Variants in ARHGAP35 observed in about 807,000 individuals in gnomAD.
ARHGAP35 encodes rho GTPase-activating protein 35.
ARHGAP35 carries 15 observed loss-of-function variants against 111.1 expected under a neutral mutation model. The ratio of observed to expected loss-of-function variants is 0.13; its 90% CI spans 0.09 to 0.21. The LOEUF (loss-of-function observed/expected upper bound fraction) is 0.21, where lower values mean the gene tolerates loss of function less well. ARHGAP35 is among the 10% of genes least tolerant of loss of function. The pLI, the probability that ARHGAP35 is intolerant of heterozygous loss-of-function variation, is 1.00. For missense variants in ARHGAP35, 1,262 were observed against 1,873.0 expected (o/e 0.67, Z 6.02); for synonymous variants, 643 against 710.3 (o/e 0.91, Z 1.51).
chr19:46,886,767 A>C (rs1389936486), intron 1 of ARHGAP35, among the ~76,000 whole-genome samples: 1 of 135,290 alleles, frequency 7.4e-6, no homozygotes, highest in Non-Finnish European at 1.6e-5. Flanking sequence ...TTTCTATCCT[A>C]ATGCTTAAGA....
chr19:47,000,847 A>T lies in ARHGAP35; in HGVS notation c.*159A>T. 1 of 1,538,192 alleles carries T rather than the reference A, an allele frequency of 6.5e-7. No individual in the cohort carries two copies. The highest frequency in any genetic ancestry group is 1.7e-4 in the Middle Eastern group (1 of 5,986). On this transcript the variant is annotated 3_prime_UTR_variant, in exon 7 of 7. Transcript: ENST00000672722. The surrounding 1 kb of genome is among the most constrained non-coding windows in gnomAD (Gnocchi z 6.9). ...AGTGGGAGCACCAGCCAATGGTACC[A>T]TCGGCTGGGCTGCCAGGTACCCTGG...
At chr19:46,964,548 A>G (rs1187922351) in intron 3 of ARHGAP35, among the ~76,000 whole-genome samples, 2 of 152,240 alleles carry the variant, frequency 1.3e-5, no homozygotes, top group Non-Finnish European at 2.9e-5. Context: ...GTGAGCCAGC[A>G]TGCGCAGCCA....
At chr19:46,900,547 A>G (rs543867853) in intron 1 of ARHGAP35, among the ~76,000 whole-genome samples, 1 of 152,254 alleles carries the variant, frequency 6.6e-6, no homozygotes, top group South Asian at 2.1e-4. Context: ...AAACCTGTGC[A>G]ACAAGTTCTG....
In ARHGAP35 at chr19:46,865,806, A is replaced by G. The variant is rs376666629; in HGVS notation, c.-189+4597A>G. Among the ~76,000 whole-genome samples, 6 of 152,184 alleles carry G rather than the reference A, an allele frequency of 3.9e-5. No individual in the cohort carries two copies. The East Asian group carries it at 9.6e-4, about 24-fold the overall frequency. On this transcript the variant is annotated intron_variant, in intron 1 of 6. Transcript: ENST00000672722. The stretch of plus-strand genomic sequence containing the variant: ...TCTGCTGTGACTTTTGTCGGTCACC[A>G]CCTGGCAGTCTAAACAATGTCTTGA...
At chr19:46,930,118 A>G (rs1020729077) in intron 2 of ARHGAP35, among the ~76,000 whole-genome samples, 1 of 151,118 alleles carries the variant, frequency 6.6e-6, no homozygotes, top group African/African-American at 2.4e-5. Context: ...TGTAATCCCA[A>G]TGCTTTGGGA....
At chr19:46,863,756 G>A (rs2055841489) in intron 1 of ARHGAP35, among the ~76,000 whole-genome samples, 1 of 152,100 alleles carries the variant, frequency 6.6e-6, no homozygotes, top group East Asian at 1.9e-4. Flanking sequence ...CCCACCAGGG[G>A]TTATGGCCAC....
chr19:46,943,386 G>A (rs942051018), intron 3 of ARHGAP35, among the ~76,000 whole-genome samples: 1 of 152,172 alleles, frequency 6.6e-6, no homozygotes, highest in Non-Finnish European at 1.5e-5. Flanking sequence ...TCTGGACAGG[G>A]CACACGTATG....
chr19:46,944,816 TGA>T (rs1342299494), intron 3 of ARHGAP35, among the ~76,000 whole-genome samples: 1 of 152,212 alleles, frequency 6.6e-6, no homozygotes, highest in African/African-American at 2.4e-5. Context: ...GGCGCTGTGT[TGA>T]GACTCCTCCC....
intron 1 of ARHGAP35, among the ~76,000 whole-genome samples, chr19:46,895,227 G>T (rs1011278826): frequency 6.6e-6 from 1 of 150,604 alleles, no homozygotes; most frequent in African/African-American, 2.4e-5. Context: ...CCAGTGGCGC[G>T]ATCTCGGCTC....
chr19:46,880,663 TTTTTA>T (rs137946597), intron 1 of ARHGAP35, among the ~76,000 whole-genome samples: 203 of 152,160 alleles, frequency 1.3e-3, no homozygotes, highest in Middle Eastern at 6.8e-3. Context: ...ATGAATCTTC[TTTTTA>T]TTTTATTTTA....
rs537987812 is a variant in ARHGAP35 at position 46,919,872 on chromosome 19, C to T, written c.1197C>T (p.Asn399=). ...CCAGTCACATTGACAACATGGAAAA[C>T]GAACGGATTCCCTTTGATTTAATGG... is the stretch of plus-strand genomic sequence containing the variant. The part of the protein sequence containing the change: ...DATSHIDNME[N]ERIPFDLMDT... The change falls in exon 2 of 7, where the codon AAC becomes AAT. Residue 399 remains asparagine, a synonymous_variant. Coordinates refer to ENST00000672722, the MANE Select transcript of ARHGAP35 (RefSeq NM_004491.5). The surrounding 1 kb of genome is among the most constrained non-coding windows in gnomAD (Gnocchi z 6.2). 2.5e-5 allele frequency: 41 copies of T among 1,613,850 alleles called. No homozygotes were observed. Among genetic ancestry groups the T allele is most frequent in the South Asian group, 2.2e-4 (20 of 91,082 alleles).
intron 1 of ARHGAP35, among the ~76,000 whole-genome samples, chr19:46,879,643 G>A (rs1029057490): frequency 2.6e-4 from 25 of 96,636 alleles, no homozygotes; most frequent in Admixed American, 2.1e-3. Flanking sequence ...AATTAGCCAC[G>A]CATGGTGGTG....
rs35978856 is a variant in ARHGAP35 at position 46,897,201 on chromosome 19, C to T, written c.-188-21287C>T. Among the ~76,000 whole-genome samples the T allele has an allele frequency of 7.5e-3, 1,142 of 152,120 alleles. 4 individuals carry two copies. The highest frequency in any genetic ancestry group is 0.024 in the Middle Eastern group (7 of 294). On this transcript the variant is annotated intron_variant, in intron 1 of 6. Transcript: ENST00000672722. ...GGCGTGAGCCATCGCGCCCAGCCTT[C>T]AGCATGTTGTCAAAGGAAGTATGAA... is the stretch of plus-strand genomic sequence containing the variant.
chr19:46,891,429 T>G (rs1173780944), intron 1 of ARHGAP35, among the ~76,000 whole-genome samples: 2 of 151,590 alleles, frequency 1.3e-5, no homozygotes, highest in South Asian at 2.1e-4. Context: ...AAGTTTTTTT[T>G]TTTTGTTTTT....
chr19:46,961,988 G>A (rs2056485755), intron 3 of ARHGAP35, among the ~76,000 whole-genome samples: 1 of 151,604 alleles, frequency 6.6e-6, no homozygotes, highest in Non-Finnish European at 1.5e-5. Flanking sequence ...AAGGAAGGAA[G>A]GAAGGGAAGG....
chr19:46,970,093 G>A (rs1287390945), intron 3 of ARHGAP35, among the ~76,000 whole-genome samples: 5 of 152,184 alleles, frequency 3.3e-5, no homozygotes, highest in East Asian at 1.9e-4. Flanking sequence ...TTCTTTCCAC[G>A]GATTGAATTA....
At position 46,994,923 on chromosome 19, in the gene ARHGAP35, C is replaced by G. The variant is rs974230581; in HGVS notation, c.4037-4381C>G. ...ATGGGGCGCTGTCACCACACAACCT[C>G]ACCCATCCCCACGTGCTCAGCCCAG... On this transcript the variant is annotated intron_variant, in intron 5 of 6. Coordinates refer to ENST00000672722, the MANE Select transcript of ARHGAP35 (RefSeq NM_004491.5). This position sits in a 1 kb window ranked among gnomAD's most constrained non-coding sequence, Gnocchi z 5.4. 2.6e-5 allele frequency among the ~76,000 whole-genome samples: 4 copies of G among 152,216 alleles called. No homozygotes were observed. The highest frequency in any genetic ancestry group is 1.3e-4 in the Admixed American group (2 of 15,286).
At position 46,993,684 on chromosome 19, in the gene ARHGAP35, C is replaced by G. The variant is rs2056691427; in HGVS notation, c.4036+4009C>G. Among the ~76,000 whole-genome samples the G allele has an allele frequency of 6.6e-6, 1 of 152,264 alleles. No homozygotes were observed. Among genetic ancestry groups the G allele is most frequent in the African/African-American group, 2.4e-5 (1 of 41,538 alleles). ...GTTCAACTGGCCCAAAAATGCCTCC[C>G]TTGGACGTTTCTTGTTGTCTCAGTC... is the stretch of plus-strand genomic sequence containing the variant. On this transcript the variant is annotated intron_variant, in intron 5 of 6. Transcript: ENST00000672722. The surrounding 1 kb of genome is among the most constrained non-coding windows in gnomAD (Gnocchi z 4.6).
intron 1 of ARHGAP35, among the ~76,000 whole-genome samples, chr19:46,880,088 AAAATAAATAAATAAAT>A (rs112300759): frequency 6.6e-6 from 1 of 151,586 alleles, no homozygotes; most frequent in Non-Finnish European, 1.5e-5. Context: ...AATGTCTCAA[AAAATAAATAAATAAAT>A]AAATAAATAA....
Sources: gnomAD v4.1 joint callset for allele counts (sites outside exome capture counted in the v4.1 genomes callset) on GRCh38, gnomAD v4.1.1 for gene constraint, Gnocchi (gnomAD v3.1) non-coding constraint, MANE v1.5 for transcripts, NCBI Gene and HGNC (gene_info 2026-07-23, HGNC 2026-07-21) for gene names.